ATP2C2: variants seen among roughly 807,000 people sequenced by gnomAD.
ATP2C2 encodes calcium-transporting ATPase type 2C member 2.
A neutral mutation model predicts 110.8 loss-of-function variants in ATP2C2; 171 were observed. That is an observed-to-expected ratio of 1.54 (90% CI 1.36 to 1.75). The LOEUF (loss-of-function observed/expected upper bound fraction) is 1.75, where lower values mean the gene tolerates loss of function less well. Ranked by LOEUF, ATP2C2 falls within the 40% of genes most tolerant of loss-of-function variation. The pLI, the probability that ATP2C2 is intolerant of heterozygous loss-of-function variation, is 0.00. For synonymous variants in ATP2C2, 804 were observed against 508.4 expected (o/e 1.58, Z -7.82); for missense variants, 1,963 against 1,235.0 (o/e 1.59, Z -8.84).
chr16:84,379,903 G>A (rs1910477053), intron 1 of ATP2C2, among the ~76,000 whole-genome samples: 1 of 152,200 alleles, frequency 6.6e-6, no homozygotes, highest in African/African-American at 2.4e-5. Context: ...AGGTAGGTAT[G>A]GCCTGGGTGT....
At chr16:84,460,850 G>C (rs371547493) in intron 24 of ATP2C2, 49 bp downstream of exon 24, 2 of 1,558,654 alleles carry the variant, frequency 1.3e-6, no homozygotes, top group Non-Finnish European at 1.7e-6. Flanking sequence ...GTGCGGTGCA[G>C]ACGCTGGGGA....
At chr16:84,375,334 G>C (rs1165146306) in intron 1 of ATP2C2, among the ~76,000 whole-genome samples, 1 of 152,186 alleles carries the variant, frequency 6.6e-6, no homozygotes, top group Non-Finnish European at 1.5e-5. Flanking sequence ...TTGAGGTCAG[G>C]AGTTCGAGAC....
At chr16:84,386,825 C>A (rs150136584) in intron 1 of ATP2C2, among the ~76,000 whole-genome samples, 2 of 152,132 alleles carry the variant, frequency 1.3e-5, no homozygotes, top group South Asian at 2.1e-4. Flanking sequence ...GGTCACACAG[C>A]GTAGGTGGGG....
intron 20 of ATP2C2, among the ~76,000 whole-genome samples, chr16:84,453,820 A>G (rs1208211296): frequency 6.6e-6 from 1 of 151,682 alleles, no homozygotes. Context: ...AAAAACTAAA[A>G]GAGAAGCTAT....
At chr16:84,412,908 C>T (rs1906506136) in intron 6 of ATP2C2, among the ~76,000 whole-genome samples, 1 of 151,260 alleles carries the variant, frequency 6.6e-6, no homozygotes, top group Non-Finnish European at 1.5e-5. Context: ...CCAGCCTGGC[C>T]AACATGGTGA....
At position 84,461,665 on chromosome 16, in the gene ATP2C2, G is replaced by T; in HGVS notation, c.2482-49G>T. 3 of 1,544,488 alleles carry T rather than the reference G, an allele frequency of 1.9e-6. No homozygotes were observed. In the South Asian group the frequency reaches 3.3e-5, roughly 17 times the overall value. On this transcript the variant is annotated intron_variant, in intron 24 of 26. Transcript: ENST00000262429. ...GGCCTGTGCCCTTTGGTTCAGGATG[G>T]AGGTTGTCTCTTCCCGCCTAACCTC...
At chr16:84,454,243 C>T (rs912151957) in intron 20 of ATP2C2, among the ~76,000 whole-genome samples, 8 of 152,120 alleles carry the variant, frequency 5.3e-5, no homozygotes, top group Admixed American at 4.6e-4. Flanking sequence ...GCCCATGAAT[C>T]TCTTGGCACA....
intron 5 of ATP2C2, 40 bp downstream of exon 5, chr16:84,410,643 G>A (rs775891404): frequency 9.3e-6 from 15 of 1,613,644 alleles, no homozygotes; most frequent in Non-Finnish European, 1.3e-5. Flanking sequence ...TAAGCTGGGC[G>A]GGACAGGAGC....
chr16:84,371,775 T>C (rs2151392228), intron 1 of ATP2C2, among the ~76,000 whole-genome samples: 1 of 152,228 alleles, frequency 6.6e-6, no homozygotes, highest in Admixed American at 6.5e-5. Flanking sequence ...GAGGCTTGGA[T>C]CCCAACAGAC....
intron 21 of ATP2C2, 146 bp downstream of exon 21, chr16:84,455,130 G>A: frequency 9.4e-7 from 1 of 1,060,312 alleles, no homozygotes; most frequent in South Asian, 1.5e-5. Flanking sequence ...CAGTGTGGCA[G>A]GTGCCCCCAA....
intron 1 of ATP2C2, among the ~76,000 whole-genome samples, chr16:84,383,521 T>C (rs1233657866): frequency 1.3e-5 from 2 of 152,196 alleles, no homozygotes; most frequent in Non-Finnish European, 2.9e-5. Flanking sequence ...CATACCGTTA[T>C]TCTGGAATCA....
At chr16:84,460,182 C>G (rs905674358) in intron 23 of ATP2C2, 1 of 210,160 alleles carries the variant, frequency 4.8e-6, no homozygotes, top group Non-Finnish European at 9.7e-6. Flanking sequence ...CTGGCCTCAG[C>G]TGTGTCTGAG....
intron 23 of ATP2C2, chr16:84,460,354 G>C (rs1270783899): frequency 2.3e-6 from 1 of 435,796 alleles, no homozygotes; most frequent in Non-Finnish European, 4.2e-6. Flanking sequence ...CGTTGGGGGG[G>C]GTCCCCTCGG....
At position 84,453,170 on chromosome 16, in the gene ATP2C2, C is replaced by T. The variant is rs1438508351; in HGVS notation, c.1864C>T (p.Gln622Ter). The T allele has an allele frequency of 1.2e-6, 2 of 1,613,708 alleles. No individual in the cohort carries two copies. Among genetic ancestry groups the T allele is most frequent in the Non-Finnish European group, 1.7e-6 (2 of 1,179,820 alleles). Residue 622 changes from glutamine (Q) to a stop codon, truncating the protein, a stop_gained, in exon 19 of 27, where the codon CAA becomes TAA. Transcript: ENST00000262429. LOFTEE classifies it high-confidence loss of function. ...RNIGLCNGKLQAMSGEEVDSV... is the reference protein window; with the variant it reads ...RNIGLCNGKL ...CATCGGCCTGTGCAACGGGAAGCTG[C>T]AAGCCATGTCCGGGGAGGAGGTGGA...
At chr16:84,379,634 G>T (rs1383753467) in intron 1 of ATP2C2, among the ~76,000 whole-genome samples, 6 of 152,170 alleles carry the variant, frequency 3.9e-5, no homozygotes, top group Non-Finnish European at 7.3e-5. Context: ...AGCCTCGCCG[G>T]GGGGTTCTGA....
chr16:84,377,008 C>G (rs935299856), intron 1 of ATP2C2, among the ~76,000 whole-genome samples: 1 of 152,186 alleles, frequency 6.6e-6, no homozygotes, highest in African/African-American at 2.4e-5. Flanking sequence ...GCTTCAGAGG[C>G]TAATAATCCC....
At chr16:84,440,822 C>G (rs1567726658) in intron 13 of ATP2C2, 35 bp from the exon 14 acceptor site, 12 of 1,552,582 alleles carry the variant, frequency 7.7e-6, no homozygotes, top group Non-Finnish European at 9.7e-6. Context: ...GTTTTTGACT[C>G]TTGGCGAAAC....
rs563272803 is a variant in ATP2C2, at chr16:84,448,453, C to A, written c.1504-80C>A. On this transcript the variant is annotated intron_variant, in intron 16 of 26. Coordinates refer to ENST00000262429, the MANE Select transcript of ATP2C2 (RefSeq NM_014861.4). Reference sequence around the variant, plus strand: ...AAGATCCCCGTGTGTGTCTTTGTAACCTTGTGCAGAGTGGGGTGATGGTCA... The same window carrying A: ...AAGATCCCCGTGTGTGTCTTTGTAAACTTGTGCAGAGTGGGGTGATGGTCA... 8.1e-6 allele frequency: 12 copies of A among 1,482,998 alleles called. 1 individual carries two copies. Among genetic ancestry groups the A allele is most frequent in the Admixed American group, 6.2e-5 (3 of 48,680 alleles). The allele number at this position is 1,482,998 out of a possible 1,614,324, so 91.9% of individuals were successfully genotyped here.
At chr16:84,394,553 G>A (rs1256745458) in intron 1 of ATP2C2, among the ~76,000 whole-genome samples, 6 of 152,096 alleles carry the variant, frequency 3.9e-5, no homozygotes, top group African/African-American at 1.5e-4. Context: ...TACCAAAAAT[G>A]TGGTGGCTTA....
Sources: allele counts gnomAD v4.1 joint callset (sites outside exome capture counted in the v4.1 genomes callset), GRCh38; gene constraint gnomAD v4.1.1; transcripts MANE v1.5; gene names NCBI Gene and HGNC (gene_info 2026-07-23, HGNC 2026-07-21).